The following STEEP1 variants were observed in gnomAD, a reference collection of about 807,000 sequenced individuals.
The protein encoded by STEEP1 is STING ER exit protein.
Under a neutral mutation model 19.2 loss-of-function variants are expected in STEEP1, and 3 were observed. The ratio of observed to expected loss-of-function variants is 0.16; its 90% CI spans 0.07 to 0.40. STEEP1 has a LOEUF of 0.40. Ranked by LOEUF, STEEP1 falls within the 10% of genes least tolerant of loss-of-function variation. The probability of loss-of-function intolerance (pLI) is 0.99; values close to 1 mark genes in which losing one functional copy is unlikely to be tolerated. For synonymous variants in STEEP1, 46 were observed against 63.7 expected, an observed-to-expected ratio of 0.72 and a Z score of 1.32; for missense variants, 54 against 177.1, an observed-to-expected ratio of 0.30 and a Z score of 3.94.
chrX:119,543,194 C>CT (rs1215016885), intron 4 of STEEP1, among the ~76,000 whole-genome samples: 2,223 of 100,370 alleles, frequency 0.022, 69 homozygotes, highest in African/African-American at 0.077. Flanking sequence ...TTTTTAATTA[C>CT]TTTTTTTTTT....
intron 6 of STEEP1, among the ~76,000 whole-genome samples, chrX:119,540,243 T>C (rs1257087966): frequency 2.7e-5 from 3 of 112,605 alleles, no homozygotes; most frequent in Non-Finnish European, 1.9e-5. Flanking sequence ...TTTATAGCAA[T>C]TTGACACAAT....
intron 1 of STEEP1, 95 bp from the exon 2 acceptor site, chrX:119,560,480 T>C: frequency 1.8e-6 from 1 of 541,601 alleles, no homozygotes; most frequent in Non-Finnish European, 3.2e-6. Flanking sequence ...GTGGGATCCC[T>C]AGCACTAGAA....
intron 2 of STEEP1, among the ~76,000 whole-genome samples, chrX:119,552,886 G>A (rs2053253072): frequency 9.0e-6 from 1 of 111,577 alleles, no homozygotes; most frequent in Admixed American, 9.6e-5. Context: ...ATCTCGGCTG[G>A]GTGTGGTGGC....
At chrX:119,561,222 G>C (rs916410971) in intron 1 of STEEP1, among the ~76,000 whole-genome samples, 3 of 109,620 alleles carry the variant, frequency 2.7e-5, no homozygotes, top group African/African-American at 1.0e-4. Context: ...CTGGGCAACA[G>C]AGCGAGACTC....
chrX:119,543,663 G>A (rs746806970), intron 4 of STEEP1, among the ~76,000 whole-genome samples: 18 of 107,729 alleles, frequency 1.7e-4, no homozygotes, highest in Admixed American at 1.6e-3. Flanking sequence ...ACTTTTTTTT[G>A]TAGAGATAGG....
At chrX:119,562,591 T>TCAGGAGGCTGACG (rs1556222259) in intron 1 of STEEP1, among the ~76,000 whole-genome samples, 1 of 99,251 alleles carries the variant, frequency 1.0e-5, no homozygotes, top group Non-Finnish European at 2.0e-5. Flanking sequence ...TCCCAGCTAC[T>TCAGGAGGCTGACG]CAAGAGAATC....
chrX:119,553,803 T>C (rs1427883522), intron 2 of STEEP1, among the ~76,000 whole-genome samples: 2 of 111,533 alleles, frequency 1.8e-5, no homozygotes, highest in Non-Finnish European at 3.8e-5. Context: ...AAATATCAAA[T>C]AAATGGGGCC....
At chrX:119,557,478 CAAA>C (rs55913451) in intron 2 of STEEP1, among the ~76,000 whole-genome samples, 1 of 68,965 alleles carries the variant, frequency 1.5e-5, no homozygotes, top group Non-Finnish European at 2.5e-5. Context: ...CACACCATCT[CAAA>C]AAAAAAAAAA....
Position 119,565,219 on chromosome X carries a change from C to G in STEEP1, c.124+13G>C, listed in dbSNP as rs757040370. The G allele has an allele frequency of 1.3e-5, 16 of 1,197,115 alleles. 1 individual carries two copies. Among genetic ancestry groups the G allele is most frequent in the Middle Eastern group, 2.4e-4 (1 of 4,206 alleles). Reference sequence around the variant, plus strand: ...GCTCCTTGCAGACGCCCCCGCAGTTCCCGGCTACTCACCCAGCACTAGGAC... The same window carrying G: ...GCTCCTTGCAGACGCCCCCGCAGTTGCCGGCTACTCACCCAGCACTAGGAC... On this transcript the variant is annotated intron_variant, in intron 1 of 6. Transcript: ENST00000644802.
intron 2 of STEEP1, among the ~76,000 whole-genome samples, chrX:119,552,050 C>G (rs1025399748): frequency 9.1e-6 from 1 of 109,949 alleles, no homozygotes; most frequent in South Asian, 3.9e-4. Flanking sequence ...CGCACCACCA[C>G]GCCCAGCTAA....
intron 4 of STEEP1, among the ~76,000 whole-genome samples, chrX:119,543,760 G>A (rs2053181333): frequency 8.9e-6 from 1 of 111,765 alleles, no homozygotes; most frequent in Admixed American, 9.6e-5. Context: ...GGGATTACAG[G>A]CATGAGCCAC....
At chrX:119,555,682 A>C in intron 2 of STEEP1, among the ~76,000 whole-genome samples, 1 of 109,809 alleles carries the variant, frequency 9.1e-6, no homozygotes, top group Admixed American at 9.8e-5. Flanking sequence ...TAGTCTAAGT[A>C]AGTGATTTTG....
chrX:119,559,353 C>T (rs145587285), intron 2 of STEEP1, among the ~76,000 whole-genome samples: 222 of 111,543 alleles, frequency 2.0e-3, no homozygotes, highest in African/African-American at 6.9e-3. Context: ...CAGTCACAAA[C>T]GACAATTCAG....
At chrX:119,559,292 T>C (rs1296280871) in intron 2 of STEEP1, among the ~76,000 whole-genome samples, 1 of 111,151 alleles carries the variant, frequency 9.0e-6, no homozygotes, top group Non-Finnish European at 1.9e-5. Context: ...CACTTTACTC[T>C]GTCCTCACCC....
chrX:119,555,631 C>G (rs936156720), intron 2 of STEEP1, among the ~76,000 whole-genome samples: 2 of 109,832 alleles, frequency 1.8e-5, no homozygotes, highest in South Asian at 7.6e-4. Flanking sequence ...TGGAGGAGAG[C>G]AAAACTAGAG....
At chrX:119,560,901 C>T (rs186855942) in intron 1 of STEEP1, among the ~76,000 whole-genome samples, 57 of 108,471 alleles carry the variant, frequency 5.3e-4, no homozygotes, top group Admixed American at 2.1e-3. Context: ...TGAGGCAGGG[C>T]GATTGCTTGA....
chrX:119,557,444 A>G (rs2053288425), intron 2 of STEEP1, among the ~76,000 whole-genome samples: 2 of 102,025 alleles, frequency 2.0e-5, no homozygotes, highest in African/African-American at 7.2e-5. Context: ...CTAAAAACAC[A>G]AAAACTAGCC....
intron 6 of STEEP1, among the ~76,000 whole-genome samples, chrX:119,541,013 T>C (rs756254937): frequency 1.5e-4 from 17 of 111,216 alleles, no homozygotes; most frequent in Non-Finnish European, 2.6e-4. Flanking sequence ...GCCACGGCAC[T>C]CCAGCCTGGG....
At chrX:119,555,136 G>A (rs1482813183) in intron 2 of STEEP1, among the ~76,000 whole-genome samples, 1 of 109,240 alleles carries the variant, frequency 9.2e-6, no homozygotes, top group Non-Finnish European at 1.9e-5. Flanking sequence ...TCAGATGACT[G>A]TTTACATAGT....
Sources: gnomAD v4.1 joint callset for allele counts (sites outside exome capture counted in the v4.1 genomes callset) on GRCh38, gnomAD v4.1.1 for gene constraint, MANE v1.5 for transcripts, NCBI Gene and HGNC (gene_info 2026-07-23, HGNC 2026-07-21) for gene names.